TMEM266: variants seen among roughly 807,000 people sequenced by gnomAD.
TMEM266 encodes the protein transmembrane protein 266.
In TMEM266, 33 loss-of-function variants were observed where a neutral mutation model predicts 50.5. That is an observed-to-expected ratio of 0.65 (90% CI 0.50 to 0.87). The LOEUF (loss-of-function observed/expected upper bound fraction) is 0.87, where lower values mean the gene tolerates loss of function less well. Among genes scored for constraint, TMEM266 ranks in the 40% least tolerant of loss-of-function variants. TMEM266 has a pLI of 0.00. For missense variants in TMEM266, 655 were observed against 695.1 expected (o/e 0.94, Z 0.65); for synonymous variants, 310 against 292.3 (o/e 1.06, Z -0.62).
chr15:76,154,442 C>T (rs897307448), intron 3 of TMEM266, among the ~76,000 whole-genome samples: 3 of 152,022 alleles, frequency 2.0e-5, no homozygotes, highest in East Asian at 1.9e-4. Flanking sequence ...CTGGAGTGGG[C>T]GATGGGGATG....
chr15:76,101,549 T>C (rs1273834760), intron 1 of TMEM266, among the ~76,000 whole-genome samples: 2 of 152,254 alleles, frequency 1.3e-5, no homozygotes, highest in Non-Finnish European at 2.9e-5. Flanking sequence ...AGGTCACCAC[T>C]CTGGGCTTTG....
chr15:76,171,822 G>A (rs1187004316), intron 7 of TMEM266, among the ~76,000 whole-genome samples: 1 of 152,192 alleles, frequency 6.6e-6, no homozygotes, highest in Non-Finnish European at 1.5e-5. Flanking sequence ...TGACCTGGGT[G>A]GCTCCTGTGT....
At chr15:76,102,369 A>G (rs530663416) in intron 1 of TMEM266, among the ~76,000 whole-genome samples, 2 of 152,262 alleles carry the variant, frequency 1.3e-5, no homozygotes, top group South Asian at 2.1e-4. Context: ...GAGATAGGGA[A>G]TGTGGGCGGG....
chr15:76,081,529 G>A (rs2036694066), intron 1 of TMEM266, among the ~76,000 whole-genome samples: 1 of 152,204 alleles, frequency 6.6e-6, no homozygotes, highest in African/African-American at 2.4e-5. Context: ...CAATAAGAAG[G>A]GAACCAAATG....
chr15:76,121,439 T>C (rs1387903923), intron 1 of TMEM266, among the ~76,000 whole-genome samples: 1 of 151,992 alleles, frequency 6.6e-6, no homozygotes, highest in Non-Finnish European at 1.5e-5. Flanking sequence ...TTCTTTGAGA[T>C]GGAGTCTCAC....
intron 7 of TMEM266, among the ~76,000 whole-genome samples, chr15:76,174,136 C>T (rs2038233397): frequency 6.6e-6 from 1 of 152,168 alleles, no homozygotes; most frequent in South Asian, 2.1e-4. Context: ...ATCACATCCT[C>T]ATCCTAGCCA....
At chr15:76,146,975 G>C (rs543755713) in intron 3 of TMEM266, among the ~76,000 whole-genome samples, 1 of 152,378 alleles carries the variant, frequency 6.6e-6, no homozygotes, top group South Asian at 2.1e-4. Flanking sequence ...GAACAGGGGT[G>C]TTGACTGATC....
At chr15:76,162,594 A>G (rs1474471433) in intron 5 of TMEM266, among the ~76,000 whole-genome samples, 2 of 152,194 alleles carry the variant, frequency 1.3e-5, no homozygotes, top group Admixed American at 1.3e-4. Context: ...AAAATACTGC[A>G]CAGACAAGGA....
rs1036014563 is a variant in TMEM266, at chr15:76,203,606, C to A, written c.1022-135C>A. On this transcript the variant is annotated intron_variant, in intron 10 of 10. Coordinates refer to ENST00000388942, the MANE Select transcript of TMEM266 (RefSeq NM_152335.3). ...AACTGGGAGGGAGTTCTACCAAGGC[C>A]TCCTTCCACAAAGGCACGGTCTCCT... is the stretch of plus-strand genomic sequence containing the variant. 14 of 779,958 alleles carry A rather than the reference C, an allele frequency of 1.8e-5. No homozygotes were observed. In the African/African-American group the frequency reaches 2.2e-4, roughly 13 times the overall value. The allele number at this position is 779,958 out of a possible 1,614,324, so 48.3% of individuals were successfully genotyped here. A position where few individuals can be genotyped will look rare whatever the true frequency, so the allele number is the denominator to read the frequency against.
chr15:76,131,895 G>A (rs977210055), intron 1 of TMEM266, among the ~76,000 whole-genome samples: 1 of 152,118 alleles, frequency 6.6e-6, no homozygotes, highest in Non-Finnish European at 1.5e-5. Flanking sequence ...GTTGCTCTAA[G>A]TTCAGACTTT....
intron 1 of TMEM266, among the ~76,000 whole-genome samples, chr15:76,075,355 T>C (rs2036590330): frequency 6.6e-6 from 1 of 152,064 alleles, no homozygotes; most frequent in South Asian, 2.1e-4. Flanking sequence ...GAACATTCAG[T>C]GAAGGGAGAG....
In TMEM266 at chr15:76,148,520, C is replaced by T. The variant is rs142592264; in HGVS notation, c.228-8084C>T. On this transcript the variant is annotated intron_variant, in intron 3 of 10. Coordinates refer to ENST00000388942, the MANE Select transcript of TMEM266 (RefSeq NM_152335.3). The stretch of plus-strand genomic sequence containing the variant: ...ACAGGCACTTCATCCAACAGCACCT[C>T]ATTCCCACCCCTAAGTCAACCTTGA... Among the ~76,000 whole-genome samples the T allele has an allele frequency of 3.4e-3, 514 of 152,314 alleles. 2 individuals carry two copies. Among genetic ancestry groups the T allele is most frequent in the Non-Finnish European group, 5.5e-3 (377 of 68,018 alleles).
At chr15:76,107,047 C>T (rs1296090248) in intron 1 of TMEM266, among the ~76,000 whole-genome samples, 1 of 152,116 alleles carries the variant, frequency 6.6e-6, no homozygotes, top group Non-Finnish European at 1.5e-5. Context: ...TTTGTTTCTT[C>T]TAGACTGTCT....
chr15:76,171,618 G>A (rs918172225), intron 7 of TMEM266, among the ~76,000 whole-genome samples: 6 of 152,200 alleles, frequency 3.9e-5, no homozygotes, highest in African/African-American at 1.4e-4. Flanking sequence ...CTGCCCACAA[G>A]CCCATTGACC....
Position 76,204,484 on chromosome 15 carries a change from A to C in TMEM266, c.*169A>C, listed in dbSNP as rs373390322. On this transcript the variant is annotated 3_prime_UTR_variant, in exon 11 of 11. Transcript: ENST00000388942. ...GCCAGGCCAGGAGGCCACAAGCTTC[A>C]GACCTCAAAGCCCAGAGCTGGCGCC... The C allele has an allele frequency of 3.4e-6, 2 of 594,614 alleles. No homozygotes were observed. Among genetic ancestry groups the C allele is most frequent in the African/African-American group, 1.9e-5 (1 of 53,764 alleles). The allele number at this position is 594,614 out of a possible 1,614,324, so 36.8% of individuals were successfully genotyped here. A position where few individuals can be genotyped will look rare whatever the true frequency, so the allele number is the denominator to read the frequency against.
At chr15:76,065,960 C>CGAGG (rs2036408177) in intron 1 of TMEM266, among the ~76,000 whole-genome samples, 1 of 152,080 alleles carries the variant, frequency 6.6e-6, no homozygotes, top group African/African-American at 2.4e-5. Context: ...GGAAGAATGC[C>CGAGG]GAGGGGTGCC....
chr15:76,073,382 G>A (rs1374567191), intron 1 of TMEM266, among the ~76,000 whole-genome samples: 4 of 151,070 alleles, frequency 2.6e-5, no homozygotes, highest in South Asian at 2.1e-4. Flanking sequence ...ACAGGTACCC[G>A]CCACCATGCC....
intron 9 of TMEM266, among the ~76,000 whole-genome samples, chr15:76,199,806 C>T (rs528780935): frequency 1.1e-4 from 15 of 139,868 alleles, no homozygotes; most frequent in Middle Eastern, 3.6e-3. Context: ...CATAGTGAAA[C>T]GTTCAGGGTG....
intron 1 of TMEM266, among the ~76,000 whole-genome samples, chr15:76,133,910 T>C (rs1419098597): frequency 6.6e-6 from 1 of 152,192 alleles, no homozygotes; most frequent in East Asian, 1.9e-4. Flanking sequence ...TCAGAGAACC[T>C]GGGCACTAAC....
Sources: allele counts gnomAD v4.1 joint callset (sites outside exome capture counted in the v4.1 genomes callset), GRCh38; gene constraint gnomAD v4.1.1; transcripts MANE v1.5; gene names NCBI Gene and HGNC (gene_info 2026-07-23, HGNC 2026-07-21).